NRXN1: variants seen among roughly 807,000 people sequenced by gnomAD.
NRXN1 encodes neurexin-1.
NRXN1 carries 39 observed loss-of-function variants against 150.9 expected under a neutral mutation model. The observed-to-expected ratio is 0.26, with a 90% CI of 0.20 to 0.34. The LOEUF (loss-of-function observed/expected upper bound fraction) is 0.34. Ranked by LOEUF, NRXN1 falls within the 10% of genes least tolerant of loss-of-function variation. NRXN1 has a pLI of 1.00. For synonymous variants in NRXN1, 924 were observed against 757.0 expected (o/e 1.22, Z -3.62); for missense variants, 1,815 against 1,949.9 (o/e 0.93, Z 1.30).
At chr2:50,650,299 G>T (rs771372405) in intron 5 of NRXN1, among the ~76,000 whole-genome samples, 1 of 152,032 alleles carries the variant, frequency 6.6e-6, no homozygotes, top group Non-Finnish European at 1.5e-5. Context: ...TTCAGTCAGA[G>T]CAAGTGGTAT....
rs540311053 is a variant in NRXN1, at chr2:50,445,882, T to A, written c.3364+19560A>T. On this transcript the variant is annotated intron_variant, in intron 17 of 22. Transcript: ENST00000401669. ...GACTAGGGACATCCCCTACTCTTTG[T>A]CCATTCCTCCTCTCCATTGCTTTTC... Among the ~76,000 whole-genome samples, 5 of 152,252 alleles carry A rather than the reference T, an allele frequency of 3.3e-5. No homozygotes were observed. In the South Asian group the frequency reaches 1.0e-3, roughly 32 times the overall value.
At chr2:50,551,971 A>G (rs1039776971) in intron 9 of NRXN1, among the ~76,000 whole-genome samples, 1 of 151,914 alleles carries the variant, frequency 6.6e-6, no homozygotes, top group Non-Finnish European at 1.5e-5. Flanking sequence ...TGCCACCTTT[A>G]CCCCTCCTCT....
chr2:50,395,189 A>C (rs559573902), intron 17 of NRXN1, among the ~76,000 whole-genome samples: 1 of 151,972 alleles, frequency 6.6e-6, no homozygotes, highest in Non-Finnish European at 1.5e-5. Flanking sequence ...TTTTGTTTAC[A>C]CTTGCCCATA....
chr2:50,723,756 A>G (rs1559170821), intron 5 of NRXN1, among the ~76,000 whole-genome samples: 1 of 152,206 alleles, frequency 6.6e-6, no homozygotes, highest in Admixed American at 6.5e-5. Context: ...TGGTCAGGGT[A>G]CCAACAGGAG....
At chr2:50,026,942 C>T (rs1169359339) in intron 21 of NRXN1, among the ~76,000 whole-genome samples, 5 of 119,576 alleles carry the variant, frequency 4.2e-5, no homozygotes, top group Admixed American at 1.2e-4. Context: ...GTGCCAGTGG[C>T]GTGATCTTGA....
chr2:50,308,940 G>C lies in NRXN1; in HGVS notation c.3365-71970C>G, dbSNP rs564852390. Among the ~76,000 whole-genome samples, 25 of 152,254 alleles carry C rather than the reference G, an allele frequency of 1.6e-4. No individual in the cohort carries two copies. In the East Asian group the frequency reaches 4.1e-3, roughly 25 times the overall value. On this transcript the variant is annotated intron_variant, in intron 17 of 22. Coordinates refer to ENST00000401669, the MANE Select transcript of NRXN1 (RefSeq NM_001330078.2). ...ATAGGTTGATAATCGTTAAGGTTTT[G>C]TAAGGGTTAAACGAGACATGTTTGT... is the stretch of plus-strand genomic sequence containing the variant.
At chr2:50,218,755 C>A (rs557050921) in intron 18 of NRXN1, among the ~76,000 whole-genome samples, 2 of 152,050 alleles carry the variant, frequency 1.3e-5, no homozygotes, top group Admixed American at 6.6e-5. Context: ...AGGGAAATAA[C>A]TGCCTTTCCA....
intron 21 of NRXN1, among the ~76,000 whole-genome samples, chr2:50,029,440 T>C (rs1322774738): frequency 1.3e-5 from 2 of 152,114 alleles, no homozygotes; most frequent in Admixed American, 1.3e-4. Flanking sequence ...GAAGATAGCA[T>C]CTTTAGGAGG....
intron 17 of NRXN1, among the ~76,000 whole-genome samples, chr2:50,368,557 T>C (rs564127670): frequency 7.8e-4 from 119 of 152,074 alleles, no homozygotes; most frequent in Non-Finnish European, 1.5e-3. Flanking sequence ...ACACATGAGG[T>C]ATGTTGGACA....
At chr2:50,318,583 C>T (rs1404513044) in intron 17 of NRXN1, among the ~76,000 whole-genome samples, 1 of 151,802 alleles carries the variant, frequency 6.6e-6, no homozygotes. Flanking sequence ...TTTTTTCACT[C>T]AGTAGAATGA....
chr2:50,264,977 A>G (rs1022024379), intron 17 of NRXN1, among the ~76,000 whole-genome samples: 2 of 152,190 alleles, frequency 1.3e-5, no homozygotes, highest in Admixed American at 6.6e-5. Flanking sequence ...ATAGGAGTTT[A>G]AAATAATTGA....
At chr2:50,212,641 C>A (rs2063117426) in intron 18 of NRXN1, among the ~76,000 whole-genome samples, 1 of 151,720 alleles carries the variant, frequency 6.6e-6, no homozygotes. Flanking sequence ...ATTACAGTTC[C>A]TTTATCTGAG....
chr2:50,210,564 A>G (rs1405863677), intron 18 of NRXN1, among the ~76,000 whole-genome samples: 1 of 151,802 alleles, frequency 6.6e-6, no homozygotes, highest in Non-Finnish European at 1.5e-5. Flanking sequence ...TTGTGAGATT[A>G]TTAAACTTGT....
At chr2:50,702,637 T>A (rs2104973958) in intron 5 of NRXN1, among the ~76,000 whole-genome samples, 1 of 152,286 alleles carries the variant, frequency 6.6e-6, no homozygotes, top group African/African-American at 2.4e-5. Context: ...TTGATTTTTT[T>A]AAACTTCTCT....
chr2:50,228,436 C>T (rs1043783031), intron 18 of NRXN1, among the ~76,000 whole-genome samples: 1 of 151,730 alleles, frequency 6.6e-6, no homozygotes, highest in East Asian at 1.9e-4. Flanking sequence ...AGCCTGTGAT[C>T]GTGTAGATGA....
intron 18 of NRXN1, among the ~76,000 whole-genome samples, chr2:50,180,715 A>G (rs1337902460): frequency 6.6e-6 from 1 of 152,096 alleles, no homozygotes; most frequent in African/African-American, 2.4e-5. Context: ...TTTGGTCTTG[A>G]ACTTCCCAGC....
chr2:49,957,986 A>C (rs559817836), intron 21 of NRXN1, among the ~76,000 whole-genome samples: 1 of 152,278 alleles, frequency 6.6e-6, no homozygotes, highest in South Asian at 2.1e-4. Flanking sequence ...ATTCTTCCCT[A>C]TGTCTTACTG....
chr2:50,062,619 A>T (rs1322378392), intron 19 of NRXN1, among the ~76,000 whole-genome samples: 3 of 152,166 alleles, frequency 2.0e-5, no homozygotes, highest in Non-Finnish European at 4.4e-5. Context: ...GCACAAAGCA[A>T]TAAAACTCAA....
At chr2:50,365,333 C>A (rs1198331790) in intron 17 of NRXN1, among the ~76,000 whole-genome samples, 1 of 151,854 alleles carries the variant, frequency 6.6e-6, no homozygotes, top group East Asian at 1.9e-4. Flanking sequence ...AAATCCTAAT[C>A]AATTTTAAAT....
Sources: gnomAD v4.1 joint callset for allele counts (sites outside exome capture counted in the v4.1 genomes callset) on GRCh38, gnomAD v4.1.1 for gene constraint, MANE v1.5 for transcripts, NCBI Gene and HGNC (gene_info 2026-07-23, HGNC 2026-07-21) for gene names.